HAUS6: variants seen among roughly 807,000 people sequenced by gnomAD.
The protein encoded by HAUS6 is HAUS augmin-like complex subunit 6.
In HAUS6, 80 loss-of-function variants were observed where a neutral mutation model predicts 106.8. That is an observed-to-expected ratio of 0.75 (90% confidence interval 0.63 to 0.90). The LOEUF is 0.90. HAUS6 is among the 40% of genes least tolerant of loss of function. HAUS6 has a pLI of 0.00. For synonymous variants in HAUS6, 356 were observed against 379.1 expected (o/e 0.94, Z 0.71); for missense variants, 1,155 against 1,118.1 (o/e 1.03, Z -0.47).
chr9:19,079,643 T>A (rs904521622), intron 9 of HAUS6, among the ~76,000 whole-genome samples: 2 of 152,056 alleles, frequency 1.3e-5, no homozygotes, highest in Non-Finnish European at 2.9e-5. Context: ...TTCTTTCTGG[T>A]TAATAAAAAA....
chr9:19,079,279 A>C (rs549492717), intron 9 of HAUS6, among the ~76,000 whole-genome samples: 1 of 145,654 alleles, frequency 6.9e-6, no homozygotes, highest in East Asian at 2.1e-4. Flanking sequence ...CCCAGGCTGG[A>C]GGAGTGCAAT....
In HAUS6 at chr9:19,070,305, A is replaced by T. The variant is rs766072936; in HGVS notation, c.1295-5T>A. ...GGTTATGTTGCTTATGTGCATCTAA[A>T]GAAATTTAAAAATTGGTTACTCTTT... On this transcript the variant is annotated splice_region_variant and splice_polypyrimidine_tract_variant and intron_variant, in intron 11 of 16. Coordinates refer to ENST00000380502, the MANE Select transcript of HAUS6 (RefSeq NM_017645.5). 1.9e-5 allele frequency: 29 copies of T among 1,516,852 alleles called. No homozygotes were observed. The highest frequency in any genetic ancestry group is 1.5e-4 in the South Asian group (13 of 87,964). The allele number at this position is 1,516,852 out of a possible 1,614,324, so 94.0% of individuals were successfully genotyped here. A position where few individuals can be genotyped will look rare whatever the true frequency, so the allele number is the denominator to read the frequency against.
intron 16 of HAUS6, chr9:19,057,006 T>A (rs1209799626): frequency 6.6e-6 from 1 of 152,140 alleles, no homozygotes; most frequent in African/African-American, 2.4e-5. Context: ...ACAAGAGCAA[T>A]TTTTTTAACC....
At chr9:19,099,672 G>C (rs1315203277) in intron 1 of HAUS6, among the ~76,000 whole-genome samples, 1 of 152,144 alleles carries the variant, frequency 6.6e-6, no homozygotes, top group East Asian at 1.9e-4. Context: ...ATGTTGCCCA[G>C]GCTGGTCTCA....
At chr9:19,100,762 AAAG>A (rs1178074921) in intron 1 of HAUS6, among the ~76,000 whole-genome samples, 1 of 152,222 alleles carries the variant, frequency 6.6e-6, no homozygotes, top group African/African-American at 2.4e-5. Flanking sequence ...AGCCACACAA[AAAG>A]AAGAAAATCC....
intron 1 of HAUS6, among the ~76,000 whole-genome samples, chr9:19,098,552 A>C (rs1439609201): frequency 6.6e-6 from 1 of 152,188 alleles, no homozygotes; most frequent in Non-Finnish European, 1.5e-5. Flanking sequence ...CAAATAAATG[A>C]ATCACCTCTT....
intron 1 of HAUS6, among the ~76,000 whole-genome samples, chr9:19,097,678 T>C (rs1817893044): frequency 1.3e-5 from 2 of 152,064 alleles, no homozygotes; most frequent in Admixed American, 6.6e-5. Flanking sequence ...TCTTCACTAC[T>C]AGATTTTTAT....
chr9:19,056,300 C>A lies in HAUS6; in HGVS notation c.*43G>T, dbSNP rs1198114974. On this transcript the variant is annotated 3_prime_UTR_variant, in exon 17 of 17. Coordinates refer to ENST00000380502, the MANE Select transcript of HAUS6 (RefSeq NM_017645.5). Reference sequence around the variant, plus strand: ...ATTCATTTTCTATCCTGTGGCATAGCTTCAATTTAAGTGCATCATAGTTAT... The same window carrying A: ...ATTCATTTTCTATCCTGTGGCATAGATTCAATTTAAGTGCATCATAGTTAT... 4 of 892,184 alleles carry A rather than the reference C, an allele frequency of 4.5e-6. No individual in the cohort carries two copies. Among genetic ancestry groups the A allele is most frequent in the Non-Finnish European group, 7.5e-6 (4 of 534,972 alleles). The allele number at this position is 892,184 out of a possible 1,614,324, so 55.3% of individuals were successfully genotyped here. A position where few individuals can be genotyped will look rare whatever the true frequency, so the allele number is the denominator to read the frequency against.
chr9:19,078,178 G>T lies in HAUS6; in HGVS notation c.1189C>A (p.Pro397Thr), dbSNP rs907867508. Residue 397 changes from proline (P) to threonine (T), a missense_variant and splice_region_variant, in exon 10 of 17, where the codon CCA (proline) becomes ACA (threonine). Pro to Thr is a conservative substitution (Grantham distance 38, BLOSUM62 -1). Coordinates refer to ENST00000380502, the MANE Select transcript of HAUS6 (RefSeq NM_017645.5). ...AGGGGCAAGTCAACATTACTTACTG[G>T]AGTCCAACCTTTAATTAGACTGAAA... ...SPFSLIKGWTPSVDLLPPMSP... is the reference protein window; with the variant it reads ...SPFSLIKGWTTSVDLLPPMSP... The T allele has an allele frequency of 6.2e-7, 1 of 1,605,510 alleles. No homozygotes were observed. Among genetic ancestry groups the T allele is most frequent in the African/African-American group, 1.3e-5 (1 of 74,448 alleles).
At chr9:19,060,511 T>G (rs1308324198) in intron 14 of HAUS6, among the ~76,000 whole-genome samples, 2 of 152,220 alleles carry the variant, frequency 1.3e-5, no homozygotes, top group African/African-American at 4.8e-5. Context: ...TAGAGGCAGT[T>G]CCAGTTGTGC....
chr9:19,072,601 G>A (rs1365719720), intron 11 of HAUS6, among the ~76,000 whole-genome samples: 1 of 151,312 alleles, frequency 6.6e-6, no homozygotes, highest in Non-Finnish European at 1.5e-5. Flanking sequence ...TTATATCATG[G>A]AAGTCTGAAA....
In HAUS6 at chr9:19,080,880, C is replaced by T. The variant is rs187253387; in HGVS notation, c.871-208G>A. Among the ~76,000 whole-genome samples, 1,034 of 152,240 alleles carry T rather than the reference C, an allele frequency of 6.8e-3. 12 individuals carry two copies. The highest frequency in any genetic ancestry group is 0.023 in the African/African-American group (964 of 41,548). ...CTGAGGTCGGGAGTTCGAGACCAGC[C>T]TGACCAACATGGAGAAACCCTGTCT... is the stretch of plus-strand genomic sequence containing the variant. On this transcript the variant is annotated intron_variant, in intron 8 of 16. Coordinates refer to ENST00000380502, the MANE Select transcript of HAUS6 (RefSeq NM_017645.5).
intron 6 of HAUS6, 119 bp from the exon 7 acceptor site, chr9:19,086,901 T>C (rs2131142056): frequency 1.6e-6 from 1 of 629,834 alleles, no homozygotes. Flanking sequence ...AAAAATAAAA[T>C]TTAATCTGAA....
In HAUS6 at chr9:19,081,511, C is replaced by T. The variant is rs113734264; in HGVS notation, c.871-839G>A. Among the ~76,000 whole-genome samples the T allele has an allele frequency of 3.2e-3, 487 of 152,024 alleles. 2 individuals are homozygous for T. Among genetic ancestry groups the T allele is most frequent in the African/African-American group, 0.011 (471 of 41,460 alleles). On this transcript the variant is annotated intron_variant, in intron 8 of 16. Coordinates refer to ENST00000380502, the MANE Select transcript of HAUS6 (RefSeq NM_017645.5). ...GCTGGGTGCAGTGGCTCAATCTTGG[C>T]TCATTGCAGCCTCCGACCCAAGCAT...
intron 1 of HAUS6, among the ~76,000 whole-genome samples, chr9:19,099,082 A>G (rs1332349496): frequency 6.6e-6 from 1 of 151,600 alleles, no homozygotes; most frequent in African/African-American, 2.4e-5. Flanking sequence ...AGAAACAAAA[A>G]AATCATAAAC....
Position 19,096,550 on chromosome 9 carries a change from G to C in HAUS6, c.224+124C>G, listed in dbSNP as rs557809129. Reference sequence around the variant, plus strand: ...ACTGCACTCCAGCCTCGATGACGGAGTGAGACTCCGTCTCAAAAAAAAAAA... The same window carrying C: ...ACTGCACTCCAGCCTCGATGACGGACTGAGACTCCGTCTCAAAAAAAAAAA... On this transcript the variant is annotated intron_variant, in intron 2 of 16. Transcript: ENST00000380502. The C allele has an allele frequency of 1.1e-5, 6 of 547,038 alleles. No individual in the cohort carries two copies. In the African/African-American group the frequency reaches 1.6e-4, roughly 14 times the overall value. The allele number at this position is 547,038 out of a possible 1,614,324, so 33.9% of individuals were successfully genotyped here. A position where few individuals can be genotyped will look rare whatever the true frequency, so the allele number is the denominator to read the frequency against.
chr9:19,056,240 A>G lies in HAUS6; in HGVS notation c.*103T>C, dbSNP rs1159893774. On this transcript the variant is annotated 3_prime_UTR_variant, in exon 17 of 17. Transcript: ENST00000380502. ...TAGGAATTTTTTTAAACCTTGAAAA[A>G]CAGTGTTACACTTCCAACATGTATT... The G allele has an allele frequency of 8.5e-5, 56 of 655,240 alleles. No homozygotes were observed. The highest frequency in any genetic ancestry group is 1.2e-4 in the Non-Finnish European group (45 of 364,608). The allele number at this position is 655,240 out of a possible 1,614,324, so 40.6% of individuals were successfully genotyped here.
chr9:19,071,979 G>T (rs150893064), intron 11 of HAUS6, among the ~76,000 whole-genome samples: 406 of 150,668 alleles, frequency 2.7e-3, no homozygotes, highest in African/African-American at 9.5e-3. Context: ...CAAGGTGGGC[G>T]GATCACCTAA....
In HAUS6 at chr9:19,061,289, C is replaced by T. The variant is rs145762225; in HGVS notation, c.1630-1066G>A. On this transcript the variant is annotated intron_variant, in intron 14 of 16. Coordinates refer to ENST00000380502, the MANE Select transcript of HAUS6 (RefSeq NM_017645.5). ...AACACTAAATATCCCCTGTCATAAA[C>T]ACTCTTAAAGAAAATTAATTTTACT... Among the ~76,000 whole-genome samples, 567 of 152,310 alleles carry T rather than the reference C, an allele frequency of 3.7e-3. 4 individuals carry two copies. Among genetic ancestry groups the T allele is most frequent in the African/African-American group, 0.013 (542 of 41,582 alleles).
Sources: gnomAD v4.1 joint callset for allele counts (sites outside exome capture counted in the v4.1 genomes callset) on GRCh38, gnomAD v4.1.1 for gene constraint, MANE v1.5 for transcripts, NCBI Gene and HGNC (gene_info 2026-07-23, HGNC 2026-07-21) for gene names.